The following ESRRG variants were observed in gnomAD, a reference collection of about 807,000 sequenced individuals.
The protein encoded by ESRRG is estrogen-related receptor gamma.
In ESRRG, 13 loss-of-function variants were observed where a neutral mutation model predicts 44.0. That is an observed-to-expected ratio of 0.30 (90% CI 0.19 to 0.47). ESRRG has a LOEUF of 0.47. Ranked by LOEUF, ESRRG falls within the 20% of genes least tolerant of loss-of-function variation. The probability of loss-of-function intolerance (pLI) is 1.00; values close to 1 mark genes in which losing one functional copy is unlikely to be tolerated. For synonymous variants in ESRRG, 215 were observed against 214.6 expected (o/e 1.00, Z -0.02); for missense variants, 395 against 580.6 (o/e 0.68, Z 3.29).
intron 1 of ESRRG, among the ~76,000 whole-genome samples, chr1:217,042,531 A>T (rs1273976613): frequency 6.6e-6 from 1 of 150,432 alleles, no homozygotes; most frequent in Non-Finnish European, 1.5e-5. Flanking sequence ...GTGCTCTGAC[A>T]TCCTGCAGCA....
chr1:216,565,471 T>C (rs1053578979), intron 4 of ESRRG, among the ~76,000 whole-genome samples: 1 of 152,178 alleles, frequency 6.6e-6, no homozygotes, highest in African/African-American at 2.4e-5. Flanking sequence ...TTTATCAGAC[T>C]CTTTGCCTCT....
chr1:216,916,606 C>T (rs1214466750), intron 2 of ESRRG, among the ~76,000 whole-genome samples: 1 of 152,140 alleles, frequency 6.6e-6, no homozygotes, highest in African/African-American at 2.4e-5. Context: ...GGTCCTATAC[C>T]ACTGCTGTGT....
chr1:216,639,026 T>C (rs970443062), intron 3 of ESRRG, among the ~76,000 whole-genome samples: 2 of 152,212 alleles, frequency 1.3e-5, no homozygotes, highest in Non-Finnish European at 2.9e-5. Context: ...GTCAGAGTAA[T>C]TGCCATTTAA....
intron 2 of ESRRG, among the ~76,000 whole-genome samples, chr1:216,658,891 A>C (rs1057179409): frequency 4.7e-5 from 7 of 150,070 alleles, no homozygotes; most frequent in Non-Finnish European, 7.4e-5. Flanking sequence ...AAGAGAAGAG[A>C]AGAGAAGAGA....
intron 1 of ESRRG, among the ~76,000 whole-genome samples, chr1:217,105,645 C>T (rs1025354884): frequency 2.6e-5 from 4 of 152,170 alleles, no homozygotes; most frequent in African/African-American, 9.7e-5. Flanking sequence ...GATGCTGATG[C>T]TGACTCCTGT....
intron 1 of ESRRG, among the ~76,000 whole-genome samples, chr1:217,099,091 A>G (rs2092467126): frequency 6.6e-6 from 1 of 152,186 alleles, no homozygotes; most frequent in Admixed American, 6.5e-5. Context: ...AGGGCAGGGC[A>G]TTCTTCAGCT....
intron 1 of ESRRG, among the ~76,000 whole-genome samples, chr1:217,131,563 A>C (rs1169457590): frequency 6.6e-6 from 1 of 152,226 alleles, no homozygotes; most frequent in African/African-American, 2.4e-5. Context: ...AACCTGTTGA[A>C]GGTGACCAAG....
chr1:216,594,318 A>G (rs1392946345), intron 3 of ESRRG, among the ~76,000 whole-genome samples: 5 of 152,230 alleles, frequency 3.3e-5, no homozygotes, highest in Non-Finnish European at 5.9e-5. Flanking sequence ...AAATACTCTC[A>G]TCTCTGGAAA....
chr1:216,700,124 C>CTTT (rs11464355), intron 1 of ESRRG, among the ~76,000 whole-genome samples: 19 of 147,150 alleles, frequency 1.3e-4, no homozygotes, highest in Admixed American at 2.0e-4. Flanking sequence ...AGCCCCGCAC[C>CTTT]TTTTTTTTTT....
At chr1:216,948,962 T>C (rs1179599348) in intron 1 of ESRRG, among the ~76,000 whole-genome samples, 4 of 152,146 alleles carry the variant, frequency 2.6e-5, no homozygotes, top group Non-Finnish European at 4.4e-5. Flanking sequence ...CTTTGAGTTC[T>C]AGTTTATGGG....
At chr1:217,087,692 AT>A in intron 1 of ESRRG, among the ~76,000 whole-genome samples, 1 of 152,146 alleles carries the variant, frequency 6.6e-6, no homozygotes, top group Non-Finnish European at 1.5e-5. Context: ...GGACAGTTTT[AT>A]GTGCTATGTG....
At chr1:217,038,085 G>C (rs147505307) in intron 1 of ESRRG, among the ~76,000 whole-genome samples, 1 of 152,176 alleles carries the variant, frequency 6.6e-6, no homozygotes, top group Non-Finnish European at 1.5e-5. Context: ...TTTTCCAGGT[G>C]CAAGGTACAA....
chr1:216,959,560 A>C (rs1578694574), intron 1 of ESRRG: 2 of 152,112 alleles, frequency 1.3e-5, no homozygotes, highest in South Asian at 2.1e-4. Flanking sequence ...AGTGGTACAC[A>C]CCTGTAGTCT....
At chr1:216,560,220 T>A (rs1000251080) in intron 5 of ESRRG, among the ~76,000 whole-genome samples, 7 of 151,936 alleles carry the variant, frequency 4.6e-5, no homozygotes, top group African/African-American at 1.5e-4. Flanking sequence ...ATTATAGGAA[T>A]TTTTTTCTAT....
intron 2 of ESRRG, among the ~76,000 whole-genome samples, chr1:216,730,305 TAAA>T (rs11445965): frequency 4.1e-5 from 5 of 121,452 alleles, no homozygotes; most frequent in Non-Finnish European, 5.1e-5. Flanking sequence ...CTTAGAAAGG[TAAA>T]AAAAAAAAAA....
intron 1 of ESRRG, among the ~76,000 whole-genome samples, chr1:217,116,686 C>T (rs773597159): frequency 6.6e-6 from 1 of 152,186 alleles, no homozygotes; most frequent in Non-Finnish European, 1.5e-5. Flanking sequence ...ATGCTTCCTA[C>T]TTACAAAGAC....
chr1:216,787,967 T>C (rs1221700829), intron 2 of ESRRG, among the ~76,000 whole-genome samples: 2 of 152,094 alleles, frequency 1.3e-5, no homozygotes, highest in Non-Finnish European at 2.9e-5. Flanking sequence ...CTTAACTCTC[T>C]TCAATTTCCG....
chr1:216,632,711 T>G (rs988814627), intron 3 of ESRRG, among the ~76,000 whole-genome samples: 1 of 152,108 alleles, frequency 6.6e-6, no homozygotes, highest in Non-Finnish European at 1.5e-5. Flanking sequence ...TGAAGAGTTT[T>G]TAGGTTTTTT....
chr1:216,839,932 G>T (rs910641519), intron 2 of ESRRG, among the ~76,000 whole-genome samples: 1 of 152,178 alleles, frequency 6.6e-6, no homozygotes, highest in East Asian at 1.9e-4. Context: ...GGCAGAGAAG[G>T]ATTTAGCATC....
Sources: allele counts gnomAD v4.1 joint callset (sites outside exome capture counted in the v4.1 genomes callset), GRCh38; gene constraint gnomAD v4.1.1; transcripts MANE v1.5; gene names NCBI Gene and HGNC (gene_info 2026-07-23, HGNC 2026-07-21).